The following DNAH6 variants were observed in gnomAD, a reference collection of about 807,000 sequenced individuals.
DNAH6 encodes dynein axonemal heavy chain 6.
A neutral mutation model predicts 491.4 loss-of-function variants in DNAH6; 340 were observed. The observed-to-expected ratio is 0.69, with a 90% confidence interval of 0.63 to 0.76. The LOEUF is 0.76. DNAH6 is among the 30% of genes least tolerant of loss of function. DNAH6 has a pLI of 0.00. For synonymous variants in DNAH6, 1,603 were observed against 1,686.1 expected (o/e 0.95, Z 1.21); for missense variants, 4,443 against 4,972.2 (o/e 0.89, Z 3.20).
rs1170696096 is a variant in DNAH6, at chr2:84,588,967, T to C, written c.2610+13T>C. On this transcript the variant is annotated intron_variant, in intron 16 of 76. Transcript: ENST00000389394. ...GAAGAATTTTAAGGTAATGACAGTTTTACACCATCTGTCTTAGAAATGTGT... is the reference window on the plus strand; with the variant it reads ...GAAGAATTTTAAGGTAATGACAGTTCTACACCATCTGTCTTAGAAATGTGT... The C allele has an allele frequency of 6.5e-7, 1 of 1,539,856 alleles. No individual in the cohort carries two copies. Among genetic ancestry groups the C allele is most frequent in the Non-Finnish European group, 8.7e-7 (1 of 1,142,986 alleles).
intron 18 of DNAH6, among the ~76,000 whole-genome samples, chr2:84,597,612 A>G (rs1029414705): frequency 6.6e-6 from 1 of 152,238 alleles, no homozygotes; most frequent in South Asian, 2.1e-4. Context: ...TCCCAGATAT[A>G]TGGCCAAGAT....
chr2:84,585,681 G>C (rs895057814), intron 15 of DNAH6, among the ~76,000 whole-genome samples: 5 of 151,954 alleles, frequency 3.3e-5, no homozygotes, highest in African/African-American at 1.2e-4. Context: ...AGGAGACCCT[G>C]AAGTGGGTTG....
chr2:84,654,112 A>AAG lies in DNAH6; in HGVS notation c.5634+254_5634+255dup, dbSNP rs551584610. On this transcript the variant is annotated intron_variant, in intron 34 of 76. Coordinates refer to ENST00000389394, the MANE Select transcript of DNAH6 (RefSeq NM_001370.2). Reference sequence around the variant, plus strand: ...CTTCCCTGAGAGAGGGAGAGAGAGAAAGAGAGAGAGAGAGAGAAAGAAAGA... The same window carrying AAG: ...CTTCCCTGAGAGAGGGAGAGAGAGAAAGAGAGAGAGAGAGAGAGAAAGAAAGA... Among the ~76,000 whole-genome samples the AAG allele has an allele frequency of 3.7e-4, 56 of 150,822 alleles. No individual in the cohort carries two copies. In the East Asian group the frequency reaches 7.7e-3, roughly 21 times the overall value.
At chr2:84,783,213 G>A (rs570204655) in intron 65 of DNAH6, among the ~76,000 whole-genome samples, 105 of 152,270 alleles carry the variant, frequency 6.9e-4, no homozygotes, top group African/African-American at 2.3e-3. Flanking sequence ...ACCACTTCCT[G>A]ACTGTGCATG....
chr2:84,596,014 T>C (rs1684541785), intron 18 of DNAH6, among the ~76,000 whole-genome samples: 1 of 152,178 alleles, frequency 6.6e-6, no homozygotes, highest in Admixed American at 6.5e-5. Context: ...ATTCAGAGTG[T>C]TTCCCAAGTG....
At chr2:84,595,934 A>G (rs1285426141) in intron 18 of DNAH6, 145 bp downstream of exon 18, 1 of 936,912 alleles carries the variant, frequency 1.1e-6, no homozygotes, top group Non-Finnish European at 1.5e-6. Flanking sequence ...ATTTTTTTGC[A>G]GTGGCACAGA....
intron 14 of DNAH6, among the ~76,000 whole-genome samples, chr2:84,582,519 T>A (rs1683129984): frequency 6.6e-6 from 1 of 152,230 alleles, no homozygotes; most frequent in African/African-American, 2.4e-5. Flanking sequence ...TGGCGCCATC[T>A]CAGCTCACTG....
intron 60 of DNAH6, 74 bp from the exon 61 acceptor site, chr2:84,727,595 A>G: frequency 1.1e-6 from 1 of 918,342 alleles, no homozygotes; most frequent in Non-Finnish European, 1.7e-6. Context: ...AATGCGAACA[A>G]GGGAGACAGA....
chr2:84,553,254 A>C (rs1172961874), intron 10 of DNAH6, among the ~76,000 whole-genome samples: 2 of 152,236 alleles, frequency 1.3e-5, no homozygotes, highest in East Asian at 3.8e-4. Context: ...AGGCTTGGTA[A>C]GGTACAGAAA....
chr2:84,619,517 A>G (rs1317498842), intron 23 of DNAH6, among the ~76,000 whole-genome samples, 168 bp from the exon 24 acceptor site: 1 of 152,168 alleles, frequency 6.6e-6, no homozygotes, highest in African/African-American at 2.4e-5. Context: ...TTTCACAGAA[A>G]TCATGTTTAG....
At chr2:84,651,273 A>T (rs537529009) in intron 33 of DNAH6, among the ~76,000 whole-genome samples, 2 of 152,126 alleles carry the variant, frequency 1.3e-5, no homozygotes, top group African/African-American at 4.8e-5. Context: ...CAGGCTTCCC[A>T]TATGGTCTAC....
chr2:84,702,361 C>A (rs1040568374), intron 49 of DNAH6, among the ~76,000 whole-genome samples: 2 of 152,184 alleles, frequency 1.3e-5, no homozygotes, highest in Non-Finnish European at 2.9e-5. Flanking sequence ...ATAGAAGCTG[C>A]TGTCATCATC....
intron 13 of DNAH6, among the ~76,000 whole-genome samples, chr2:84,578,658 C>T (rs893255043): frequency 4.6e-5 from 7 of 152,094 alleles, no homozygotes; most frequent in Admixed American, 1.3e-4. Context: ...TCTGAGTACA[C>T]GTCTCTCTCA....
At chr2:84,525,773 CTTAAT>C (rs1212903540) in intron 3 of DNAH6, 35 bp downstream of exon 3, 2 of 1,469,500 alleles carry the variant, frequency 1.4e-6, no homozygotes, top group Non-Finnish European at 1.8e-6. Context: ...ATTCTTTTAA[CTTAAT>C]TTTGTTTTGT....
chr2:84,481,317 TATCC>T, the DNAH6 span, among the ~76,000 whole-genome samples: 140 of 152,312 alleles, frequency 9.2e-4, no homozygotes, highest in Non-Finnish European at 1.7e-3. Context: ...ACTGAGATGA[TATCC>T]ATCCTTTAAA....
intron 31 of DNAH6, among the ~76,000 whole-genome samples, chr2:84,639,883 G>T (rs1434167778): frequency 6.6e-6 from 1 of 152,080 alleles, no homozygotes; most frequent in African/African-American, 2.4e-5. Flanking sequence ...TAGAAAAAAG[G>T]GTCCGCTTCC....
chr2:84,692,477 A>ATAGG (rs1694965435), intron 45 of DNAH6, among the ~76,000 whole-genome samples: 1 of 139,146 alleles, frequency 7.2e-6, no homozygotes, highest in Non-Finnish European at 1.6e-5. Flanking sequence ...AGATAGATAG[A>ATAGG]TAGATAAATT....
chr2:84,605,533 A>C lies in DNAH6; in HGVS notation c.3115A>C (p.Ile1039Leu). The C allele has an allele frequency of 7.7e-6, 12 of 1,551,578 alleles. No homozygotes were observed. The highest frequency in any genetic ancestry group is 1.0e-5 in the Non-Finnish European group (12 of 1,146,910). Residue 1039 changes from isoleucine to leucine, a missense_variant, in exon 20 of 77, where the codon ATT becomes CTT. By Grantham distance (5) the Ile-to-Leu change is conservative. Around this residue, in one of 3 missense-constraint regions of DNAH6, gnomAD observed 2,977 missense variants for 3,296.6 expected, o/e 0.90. Transcript: ENST00000389394. ...EDSWKTTEFV[I>L]LPHRDSKDVF... ...CTCTTGGAAAACAACTGAATTTGTC[A>C]TTCTGCCTCACCGTGACTCCAAAGA... is the stretch of plus-strand genomic sequence containing the variant.
Position 84,664,955 on chromosome 2 carries a change from C to T in DNAH6, c.6085-4334C>T, listed in dbSNP as rs149935067. On this transcript the variant is annotated intron_variant, in intron 37 of 76. Coordinates refer to ENST00000389394, the MANE Select transcript of DNAH6 (RefSeq NM_001370.2). ...CAGGATTAAGAAACTCACTCAAGAC[C>T]GCTCAACTACATGGAAACTGAACAA... 5.5e-3 allele frequency among the ~76,000 whole-genome samples: 840 copies of T among 152,236 alleles called. 18 individuals carry two copies. In the East Asian group the frequency reaches 0.09, roughly 16 times the overall value.
Sources: gnomAD v4.1 joint callset for allele counts (sites outside exome capture counted in the v4.1 genomes callset) on GRCh38, gnomAD v4.1.1 for gene constraint, gnomAD v4.1.1 regional missense constraint, MANE v1.5 for transcripts, NCBI Gene and HGNC (gene_info 2026-07-23, HGNC 2026-07-21) for gene names.